The following CCNY variants were observed in gnomAD, a reference collection of about 807,000 sequenced individuals.
CCNY encodes cyclin Y.
CCNY carries 19 observed loss-of-function variants against 42.8 expected under a neutral mutation model. That is an observed-to-expected ratio of 0.44 (90% CI 0.31 to 0.65). CCNY has a LOEUF of 0.65. Among genes scored for constraint, CCNY ranks in the 30% least tolerant of loss-of-function variants. CCNY has a pLI of 0.07. For missense variants in CCNY, 370 were observed against 437.3 expected (o/e 0.85, Z 1.37); for synonymous variants, 165 against 162.7 (o/e 1.01, Z -0.11).
intron 1 of CCNY, among the ~76,000 whole-genome samples, chr10:35,338,608 A>G (rs1836106178): frequency 6.6e-6 from 1 of 152,246 alleles, no homozygotes; most frequent in African/African-American, 2.4e-5. Context: ...TCTAGCATAT[A>G]ATAAACAGTA....
chr10:35,450,787 T>G (rs1036746065), intron 1 of CCNY, among the ~76,000 whole-genome samples: 2 of 152,046 alleles, frequency 1.3e-5, no homozygotes, highest in African/African-American at 4.8e-5. Flanking sequence ...GAGATATTTT[T>G]GACATAATTT....
chr10:35,329,877 G>C (rs1835922727), intron 3 of CCNY, among the ~76,000 whole-genome samples: 1 of 152,158 alleles, frequency 6.6e-6, no homozygotes, highest in South Asian at 2.1e-4. Context: ...GCAGGGGAGG[G>C]ACAGGACCGC....
intron 3 of CCNY, among the ~76,000 whole-genome samples, chr10:35,513,135 C>T (rs1164851900): frequency 1.2e-4 from 19 of 152,072 alleles, no homozygotes. Flanking sequence ...GTACTATAGA[C>T]ATTGTGTGAA....
chr10:35,378,811 C>G lies in CCNY; in HGVS notation c.154+41604C>G, dbSNP rs182236803. Among the ~76,000 whole-genome samples the G allele has an allele frequency of 3.0e-3, 455 of 152,166 alleles. 17 individuals carry two copies. The highest frequency in any genetic ancestry group is 0.027 in the Admixed American group (418 of 15,278). The stretch of plus-strand genomic sequence containing the variant: ...TGAGGGAAATGAGACCCAGAAATGG[C>G]AGTGGAATTGTCTAGAGTCATCTGG... On this transcript the variant is annotated intron_variant, in intron 1 of 9. Transcript: ENST00000374704.
intron 1 of CCNY, among the ~76,000 whole-genome samples, chr10:35,388,354 G>A (rs1837341230): frequency 6.6e-6 from 1 of 152,226 alleles, no homozygotes; most frequent in Admixed American, 6.5e-5. Flanking sequence ...GAAGTACTAG[G>A]TGGCACTGCA....
intron 2 of CCNY, among the ~76,000 whole-genome samples, chr10:35,494,319 A>G (rs187979743): frequency 1.7e-3 from 255 of 150,640 alleles, no homozygotes; most frequent in Admixed American, 3.4e-3. Flanking sequence ...AGCAAACCAG[A>G]AAGAGGCCAG....
intron 3 of CCNY, among the ~76,000 whole-genome samples, chr10:35,504,891 C>T (rs535739249): frequency 6.6e-6 from 1 of 152,186 alleles, no homozygotes; most frequent in Non-Finnish European, 1.5e-5. Flanking sequence ...CCCGCCTTAG[C>T]TTCCCAAAGT....
chr10:35,375,079 T>A (rs536543041), intron 1 of CCNY, among the ~76,000 whole-genome samples: 2 of 152,204 alleles, frequency 1.3e-5, no homozygotes, highest in East Asian at 1.9e-4. Context: ...TTTTTTTTTT[T>A]AAAGAAGGAC....
At chr10:35,539,226 A>G (rs977531279) in intron 7 of CCNY, among the ~76,000 whole-genome samples, 14 of 152,304 alleles carry the variant, frequency 9.2e-5, no homozygotes, top group Admixed American at 3.3e-4. Flanking sequence ...TGTTTTGGCC[A>G]TGCCATCCAT....
At position 35,264,265 on chromosome 10, in the gene CCNY, T is replaced by G. The variant is rs560984505; in HGVS notation, c.-9+13639T>G. 5.9e-5 allele frequency among the ~76,000 whole-genome samples: 9 copies of G among 152,240 alleles called. No individual in the cohort carries two copies. In the South Asian group the frequency reaches 1.7e-3, roughly 28 times the overall value. ...TTATTTTATTATTATACTTTAAGTT[T>G]TAGGGTACATGTGCACAATGTGCAG... On this transcript the variant is annotated intron_variant, in intron 3 of 11. Transcript: ENST00000374706.
chr10:35,377,073 A>G (rs1213762721), intron 1 of CCNY, among the ~76,000 whole-genome samples: 5 of 152,230 alleles, frequency 3.3e-5, no homozygotes, highest in African/African-American at 1.2e-4. Flanking sequence ...TGCATATGCA[A>G]TGGTGGTCCC....
chr10:35,283,303 T>C (rs1835317750), intron 3 of CCNY, among the ~76,000 whole-genome samples: 1 of 152,186 alleles, frequency 6.6e-6, no homozygotes, highest in Non-Finnish European at 1.5e-5. Flanking sequence ...AAAATATCAA[T>C]ATTTCATTGC....
At chr10:35,424,648 A>T (rs1838228072) in intron 1 of CCNY, among the ~76,000 whole-genome samples, 1 of 152,174 alleles carries the variant, frequency 6.6e-6, no homozygotes, top group South Asian at 2.1e-4. Flanking sequence ...GGCATGTCTG[A>T]TACTATTAAG....
At chr10:35,378,844 G>C (rs1837112667) in intron 1 of CCNY, among the ~76,000 whole-genome samples, 1 of 152,172 alleles carries the variant, frequency 6.6e-6, no homozygotes, top group African/African-American at 2.4e-5. Flanking sequence ...TGGTTAGTTA[G>C]GGGTGGAATG....
At chr10:35,483,936 CT>C (rs201512607) in intron 2 of CCNY, among the ~76,000 whole-genome samples, 1,537 of 151,600 alleles carry the variant, frequency 0.01, 35 homozygotes, top group African/African-American at 0.034. Context: ...TTTTCTTTCT[CT>C]TTTTTTTTCC....
intron 1 of CCNY, among the ~76,000 whole-genome samples, chr10:35,351,783 A>T (rs1239179988): frequency 1.3e-5 from 2 of 152,206 alleles, no homozygotes; most frequent in Non-Finnish European, 2.9e-5. Flanking sequence ...GTAACTAGCT[A>T]ATTATTAGGG....
chr10:35,459,680 G>A (rs1163566254), intron 1 of CCNY, among the ~76,000 whole-genome samples: 1 of 152,178 alleles, frequency 6.6e-6, no homozygotes, highest in Non-Finnish European at 1.5e-5. Context: ...TAGGTTAGTA[G>A]TAGCGGGTTC....
chr10:35,553,553 C>T (rs1194100677), intron 8 of CCNY, among the ~76,000 whole-genome samples: 9 of 152,226 alleles, frequency 5.9e-5, no homozygotes, highest in Admixed American at 3.9e-4. Flanking sequence ...GAGGTAATGC[C>T]GCCATACAGT....
chr10:35,441,512 GGCGGGAGGATCACTTGA>G (rs1341446762), intron 1 of CCNY, among the ~76,000 whole-genome samples: 1 of 152,238 alleles, frequency 6.6e-6, no homozygotes, highest in Non-Finnish European at 1.5e-5. Context: ...GCGAGGCCGA[GGCGGGAGGATCACTTGA>G]GCTCAGGAGT....
Sources: gnomAD v4.1 joint callset for allele counts (sites outside exome capture counted in the v4.1 genomes callset) on GRCh38, gnomAD v4.1.1 for gene constraint, MANE v1.5 for transcripts, NCBI Gene and HGNC (gene_info 2026-07-23, HGNC 2026-07-21) for gene names.